PTPRU: variants seen among roughly 807,000 people sequenced by gnomAD.
PTPRU encodes the protein protein tyrosine phosphatase receptor type U.
A neutral mutation model predicts 166.3 loss-of-function variants in PTPRU; 69 were observed. The ratio of observed to expected loss-of-function variants is 0.41; its 90% CI spans 0.34 to 0.51. The LOEUF (loss-of-function observed/expected upper bound fraction) is 0.51, where lower values mean the gene tolerates loss of function less well. Ranked by LOEUF, PTPRU falls within the 20% of genes least tolerant of loss-of-function variation. PTPRU has a pLI of 0.09. For synonymous variants in PTPRU, 793 were observed against 814.0 expected (o/e 0.97, Z 0.44); for missense variants, 1,657 against 2,013.7 (o/e 0.82, Z 3.39).
At chr1:29,304,636 T>C (rs1198309171) in intron 16 of PTPRU, 138 bp from the exon 17 acceptor site, 2 of 598,214 alleles carry the variant, frequency 3.3e-6, no homozygotes, top group African/African-American at 3.8e-5. Context: ...CACAGTGACT[T>C]TATCTCAGGC....
chr1:29,311,688 G>T lies in PTPRU; in HGVS notation c.3001G>T (p.Asp1001Tyr). 6.2e-7 allele frequency: 1 copy of T among 1,614,240 alleles called. No homozygotes were observed. Among genetic ancestry groups the T allele is most frequent in the South Asian group, 1.1e-5 (1 of 91,078 alleles). Residue 1001 changes from aspartate (D) to tyrosine (Y), a missense_variant, in exon 21 of 30, where the codon GAC (aspartate) becomes TAC (tyrosine). Around this residue, in one of 3 missense-constraint regions of PTPRU, gnomAD observed 1,190 missense variants for 1,477.4 expected, o/e 0.81. Transcript: ENST00000373779. This position sits in a 1 kb window ranked among gnomAD's most constrained non-coding sequence, Gnocchi z 4.1. ...GCCGGAGGACTCAGACACCTACGGG[G>T]ACATCAAGATTATGCTGGTGAAGAC... ...YWPEDSDTYGDIKIMLVKTET... is the reference protein window; with the variant it reads ...YWPEDSDTYGYIKIMLVKTET...
chr1:29,250,172 T>C (rs1000677906), intron 1 of PTPRU, among the ~76,000 whole-genome samples: 2 of 152,116 alleles, frequency 1.3e-5, no homozygotes, highest in Non-Finnish European at 2.9e-5. Context: ...TCTTGTGGCC[T>C]TGACTCTTCC....
chr1:29,268,207 G>A (rs1250733601), intron 7 of PTPRU, among the ~76,000 whole-genome samples: 1 of 152,206 alleles, frequency 6.6e-6, no homozygotes, highest in Non-Finnish European at 1.5e-5. Flanking sequence ...TGAGTGTGGA[G>A]TTCAGGGAAG....
At position 29,317,984 on chromosome 1, in the gene PTPRU, A is replaced by G. The variant is rs1687980959; in HGVS notation, c.3687+63A>G. Reference sequence around the variant, plus strand: ...TTCCCAGCAGCATCAGGGAAGGTCCAGGGGCCACGGGAACAAAGCTGAAGG... The same window carrying G: ...TTCCCAGCAGCATCAGGGAAGGTCCGGGGGCCACGGGAACAAAGCTGAAGG... On this transcript the variant is annotated intron_variant, in intron 25 of 29. Coordinates refer to ENST00000373779, the MANE Select transcript of PTPRU (RefSeq NM_133178.4). The surrounding 1 kb of genome is among the most constrained non-coding windows in gnomAD (Gnocchi z 5.6). 2 of 1,577,094 alleles carry G rather than the reference A, an allele frequency of 1.3e-6. No homozygotes were observed. Among genetic ancestry groups the G allele is most frequent in the African/African-American group, 2.7e-5 (2 of 73,798 alleles).
intron 12 of PTPRU, 23 bp downstream of exon 12, chr1:29,282,972 G>T (rs921853642): frequency 1.3e-6 from 2 of 1,596,992 alleles, no homozygotes; most frequent in African/African-American, 3.0e-5. Context: ...CCAGGGTCAT[G>T]GTGGGCGTGG....
chr1:29,295,298 G>A (rs1686831658), intron 15 of PTPRU, among the ~76,000 whole-genome samples: 2 of 152,044 alleles, frequency 1.3e-5, no homozygotes, highest in South Asian at 4.2e-4. Flanking sequence ...GCCCGCCTCA[G>A]CCTCCCAAAG....
In PTPRU at chr1:29,325,846, C is replaced by A; in HGVS notation, c.*185C>A. On this transcript the variant is annotated 3_prime_UTR_variant, in exon 30 of 30. Coordinates refer to ENST00000373779, the MANE Select transcript of PTPRU (RefSeq NM_133178.4). Reference sequence around the variant, plus strand: ...CAGGGCCTTTCGCTTGTCCCATGGGCGGGTGGTGGGCCAAGGAGGAGCTTA... The same window carrying A: ...CAGGGCCTTTCGCTTGTCCCATGGGAGGGTGGTGGGCCAAGGAGGAGCTTA... 3.0e-6 allele frequency: 2 copies of A among 664,870 alleles called. No homozygotes were observed. The highest frequency in any genetic ancestry group is 4.8e-6 in the Non-Finnish European group (2 of 415,298). The allele number at this position is 664,870 out of a possible 1,614,324, so 41.2% of individuals were successfully genotyped here.
chr1:29,323,572 C>A (rs1413984959), intron 27 of PTPRU, 59 bp from the exon 28 acceptor site: 2 of 1,611,408 alleles, frequency 1.2e-6, no homozygotes, highest in East Asian at 2.2e-5. Flanking sequence ...TCTGTGTCAT[C>A]AGGGGCCCCT....
At chr1:29,293,431 G>A (rs969363134) in intron 15 of PTPRU, among the ~76,000 whole-genome samples, 3 of 151,250 alleles carry the variant, frequency 2.0e-5, no homozygotes, top group Non-Finnish European at 4.4e-5. Context: ...AGCCTCCCTT[G>A]AAATTTGTGT....
chr1:29,247,746 C>A (rs956886917), intron 1 of PTPRU, among the ~76,000 whole-genome samples: 5 of 152,234 alleles, frequency 3.3e-5, no homozygotes, highest in Non-Finnish European at 5.9e-5. Context: ...GGATTTGCAG[C>A]ACATATTGAT....
At chr1:29,292,838 T>G (rs1293666781) in intron 15 of PTPRU, among the ~76,000 whole-genome samples, 3 of 144,574 alleles carry the variant, frequency 2.1e-5, no homozygotes, top group Admixed American at 1.4e-4. Flanking sequence ...TTTTGTGAGA[T>G]GGAGTCTCAC....
At chr1:29,303,748 G>C (rs1255999752) in intron 15 of PTPRU, 107 bp from the exon 16 acceptor site, 2 of 1,218,160 alleles carry the variant, frequency 1.6e-6, no homozygotes, top group African/African-American at 3.0e-5. Flanking sequence ...ACCCAGCTAT[G>C]CTTGGCATTG....
intron 1 of PTPRU, among the ~76,000 whole-genome samples, chr1:29,242,238 T>G (rs1349080296): frequency 2.6e-5 from 4 of 152,174 alleles, no homozygotes; most frequent in African/African-American, 9.7e-5. Flanking sequence ...CCTTGTGACC[T>G]ATGGTGGTGT....
In PTPRU at chr1:29,317,993, G is replaced by C; in HGVS notation, c.3687+72G>C. 6.4e-7 allele frequency: 1 copy of C among 1,554,558 alleles called. No homozygotes were observed. The highest frequency in any genetic ancestry group is 1.1e-5 in the South Asian group (1 of 88,304). On this transcript the variant is annotated intron_variant, in intron 25 of 29. Coordinates refer to ENST00000373779, the MANE Select transcript of PTPRU (RefSeq NM_133178.4). The surrounding 1 kb of genome is among the most constrained non-coding windows in gnomAD (Gnocchi z 5.6). Reference sequence around the variant, plus strand: ...GCATCAGGGAAGGTCCAGGGGCCACGGGAACAAAGCTGAAGGCTCTGTTGG... The same window carrying C: ...GCATCAGGGAAGGTCCAGGGGCCACCGGAACAAAGCTGAAGGCTCTGTTGG...
At position 29,260,161 on chromosome 1, in the gene PTPRU, CT is replaced by C. The variant is rs996241960; in HGVS notation, c.850+118del. On this transcript the variant is annotated intron_variant, in intron 6 of 29. Coordinates refer to ENST00000373779, the MANE Select transcript of PTPRU (RefSeq NM_133178.4). This position sits in a 1 kb window ranked among gnomAD's most constrained non-coding sequence, Gnocchi z 8.3. ...GGGGGGTGGGGCCGGCAGGGTGTCG[CT>C]GGGGCGCTATCTGAAGATGGGCCTG... is the stretch of plus-strand genomic sequence containing the variant. 4 of 1,148,630 alleles carry C rather than the reference CT, an allele frequency of 3.5e-6. No homozygotes were observed. The African/African-American group carries it at 4.9e-5, about 14-fold the overall frequency. The allele number at this position is 1,148,630 out of a possible 1,614,324, so 71.2% of individuals were successfully genotyped here. A position where few individuals can be genotyped will look rare whatever the true frequency, so the allele number is the denominator to read the frequency against.
intron 26 of PTPRU, among the ~76,000 whole-genome samples, chr1:29,322,372 G>A (rs1688196878): frequency 6.6e-6 from 1 of 152,238 alleles, no homozygotes; most frequent in Admixed American, 6.5e-5. Flanking sequence ...AGCACAGAGG[G>A]AAAAGAGCTA....
intron 14 of PTPRU, among the ~76,000 whole-genome samples, chr1:29,285,356 A>G (rs1242637440): frequency 2.0e-5 from 3 of 151,982 alleles, no homozygotes; most frequent in Admixed American, 6.5e-5. Flanking sequence ...CTCAGGCTCA[A>G]CTTGCCCTGG....
Position 29,315,650 on chromosome 1 carries a change from C to A in PTPRU, c.3363+143C>A. The A allele has an allele frequency of 8.1e-7, 1 of 1,240,518 alleles. No homozygotes were observed. Among genetic ancestry groups the A allele is most frequent in the Non-Finnish European group, 1.1e-6 (1 of 877,844 alleles). The allele number at this position is 1,240,518 out of a possible 1,614,324, so 76.8% of individuals were successfully genotyped here. Reference sequence around the variant, plus strand: ...CAGATCATCCCTGACCTTGGGCCGCCAACTGCATAGGGTCATCCTGAACTG... The same window carrying A: ...CAGATCATCCCTGACCTTGGGCCGCAAACTGCATAGGGTCATCCTGAACTG... On this transcript the variant is annotated intron_variant, in intron 23 of 29. Coordinates refer to ENST00000373779, the MANE Select transcript of PTPRU (RefSeq NM_133178.4). The surrounding 1 kb of genome is among the most constrained non-coding windows in gnomAD (Gnocchi z 4.5).
chr1:29,240,918 GTGCACCGGAGGGAAGGGAGGAGAACTGC>G (rs1684023694), intron 1 of PTPRU, among the ~76,000 whole-genome samples: 1 of 152,130 alleles, frequency 6.6e-6, no homozygotes, highest in African/African-American at 2.4e-5. Flanking sequence ...CTCACCGCTT[GTGCACCGGAGGGAAGGGAGGAGAACTGC>G]ATCCCGTGGT....
Sources: gnomAD v4.1 joint callset for allele counts (sites outside exome capture counted in the v4.1 genomes callset) on GRCh38, gnomAD v4.1.1 for gene constraint, gnomAD v4.1.1 regional missense constraint, Gnocchi (gnomAD v3.1) non-coding constraint, MANE v1.5 for transcripts, NCBI Gene and HGNC (gene_info 2026-07-23, HGNC 2026-07-21) for gene names.